The following LIPN variants were observed in gnomAD, a reference collection of about 807,000 sequenced individuals.
The protein encoded by LIPN is lipase member N.
In LIPN, 32 loss-of-function variants were observed where a neutral mutation model predicts 43.7. The ratio of observed to expected loss-of-function variants is 0.73; its 90% CI spans 0.55 to 0.98. LIPN has a LOEUF of 0.98. LIPN is among the 50% of genes least tolerant of loss of function. The pLI is 0.00. For missense variants in LIPN, 505 were observed against 483.8 expected (o/e 1.04, Z -0.41); for synonymous variants, 156 against 157.6 (o/e 0.99, Z 0.08).
intron 9 of LIPN, 52 bp from the exon 10 acceptor site, chr10:88,777,957 T>A: frequency 1.8e-6 from 2 of 1,119,710 alleles, no homozygotes; most frequent in South Asian, 2.7e-5. Context: ...CCTTTGTAGT[T>A]ATTGCTTTGA....
Position 88,778,946 on chromosome 10 carries a change from C to T in LIPN, c.*704C>T, listed in dbSNP as rs1843342056. Among the ~76,000 whole-genome samples, 1 of 152,058 alleles carries T rather than the reference C, an allele frequency of 6.6e-6. No homozygotes were observed. Among genetic ancestry groups the T allele is most frequent in the Non-Finnish European group, 1.5e-5 (1 of 68,006 alleles). On this transcript the variant is annotated 3_prime_UTR_variant, in exon 10 of 10. Transcript: ENST00000404459. Reference sequence around the variant, plus strand: ...GGCTTCTTTGTTTAGCATGTAATGCCCCCTTTACAGGCTTTTTGTTCTTTG... The same window carrying T: ...GGCTTCTTTGTTTAGCATGTAATGCTCCCTTTACAGGCTTTTTGTTCTTTG...
At chr10:88,762,780 A>G (rs938477323) in intron 3 of LIPN, among the ~76,000 whole-genome samples, 2 of 152,086 alleles carry the variant, frequency 1.3e-5, no homozygotes, top group Non-Finnish European at 2.9e-5. Flanking sequence ...CATTTCTGAA[A>G]AGTTTTCCAG....
intron 3 of LIPN, 100 bp downstream of exon 3, chr10:88,762,405 G>T (rs1843017739): frequency 1.3e-6 from 1 of 750,904 alleles, no homozygotes; most frequent in Admixed American, 2.2e-5. Flanking sequence ...TATCAAAATT[G>T]GTTTGAATTA....
At position 88,763,574 on chromosome 10, in the gene LIPN, G is replaced by T. The variant is rs746354885; in HGVS notation, c.227-836G>T. ...AAATGATGAAATTAAGGCACAACCG[G>T]TTATGTTAAGAGGCCTAAAGTCCAC... On this transcript the variant is annotated intron_variant, in intron 3 of 9. Transcript: ENST00000404459. Among the ~76,000 whole-genome samples the T allele has an allele frequency of 6.6e-5, 10 of 152,152 alleles. No individual in the cohort carries two copies. The Middle Eastern group carries it at 0.01, about 155-fold the overall frequency.
In LIPN at chr10:88,768,861, C is replaced by T. The variant is rs759378843; in HGVS notation, c.605C>T (p.Thr202Met). 52 of 1,611,106 alleles carry T rather than the reference C, an allele frequency of 3.2e-5. 1 individual carries two copies. In the South Asian group the frequency reaches 3.8e-4, roughly 12 times the overall value. ...AAAATGAATTTTGCCTTGGGTCCTA[C>T]GATCTCATTCAAATATCCCACGGGC... ...RIKMNFALGP[T>M]ISFKYPTGIF... The change falls in exon 6 of 10, where the codon ACG becomes ATG. Residue 202 changes from threonine to methionine, a missense_variant. Transcript: ENST00000404459.
At position 88,770,940 on chromosome 10, in the gene LIPN, T is replaced by A. The variant is rs1189087158; in HGVS notation, c.768T>A (p.Cys256Ter). Residue 256 changes from cysteine (C) to a stop codon, truncating the protein, a stop_gained, in exon 7 of 10, where the codon TGT becomes TGA. Transcript: ENST00000404459. LOFTEE classifies it high-confidence loss of function. ...ICNNKILWLI[C>*]SEFMSLWAGS... ...ACAATAAGATACTCTGGTTGATATG[T>A]AGCGAATTTATGTCCTTATGGGCTG... The A allele has an allele frequency of 5.1e-6, 8 of 1,565,348 alleles. No homozygotes were observed. The highest frequency in any genetic ancestry group is 2.7e-5 in the African/African-American group (2 of 73,758).
chr10:88,770,448 C>T (rs1843185535), intron 6 of LIPN, among the ~76,000 whole-genome samples: 1 of 127,006 alleles, frequency 7.9e-6, no homozygotes, highest in African/African-American at 3.0e-5. Flanking sequence ...TATTGGCAAG[C>T]ACTGACTGGG....
At chr10:88,757,634 T>C (rs1042865915), upstream of LIPN, among the ~76,000 whole-genome samples, 2 of 152,172 alleles carry the variant, frequency 1.3e-5, no homozygotes, top group Non-Finnish European at 2.9e-5. Flanking sequence ...TCATTTTCAC[T>C]AACACTAAAA....
intron 3 of LIPN, among the ~76,000 whole-genome samples, chr10:88,763,657 GCT>G (rs1419061777): frequency 2.6e-5 from 4 of 152,032 alleles, no homozygotes; most frequent in Non-Finnish European, 4.4e-5. Context: ...CAGAGCCTGT[GCT>G]CTTAGTCATT....
At chr10:88,757,820 G>T (rs1794470163), upstream of LIPN, among the ~76,000 whole-genome samples, 1 of 151,994 alleles carries the variant, frequency 6.6e-6, no homozygotes, top group Non-Finnish European at 1.5e-5. Flanking sequence ...TAGACTTATG[G>T]ACACTTATGG....
Position 88,760,043 on chromosome 10 carries a change from C to A in LIPN, c.-72C>A, listed in dbSNP as rs1175577306. 6.6e-6 allele frequency among the ~76,000 whole-genome samples: 1 copy of A among 152,066 alleles called. No homozygotes were observed. Among genetic ancestry groups the A allele is most frequent in the Non-Finnish European group, 1.5e-5 (1 of 67,998 alleles). ...TTACTCTTCAGCCTGATGTCAAAAG[C>A]AAAAGTTCAGAAGTTCCTCATCAAT... On this transcript the variant is annotated 5_prime_UTR_variant, in exon 1 of 10. Coordinates refer to ENST00000404459, the MANE Select transcript of LIPN (RefSeq NM_001102469.2).
rs1307537556 is a variant in LIPN at position 88,770,894 on chromosome 10, T to G, written c.722T>G (p.Ile241Arg). The G allele has an allele frequency of 1.3e-6, 2 of 1,543,882 alleles. No homozygotes were observed. The highest frequency in any genetic ancestry group is 2.0e-5 in the Admixed American group (1 of 50,878). The part of the protein sequence containing the change: ...GFFLEDKKTK[I>R]ASTKICNNKI... ...TTTTTAGAAGATAAGAAAACGAAGA[T>G]AGCTTCTACCAAAATCTGCAACAAT... The change falls in exon 7 of 10, where the codon ATA becomes AGA. Residue 241 changes from isoleucine to arginine, a missense_variant. Transcript: ENST00000404459.
At chr10:88,762,777 G>A (rs1363250673) in intron 3 of LIPN, among the ~76,000 whole-genome samples, 2 of 152,060 alleles carry the variant, frequency 1.3e-5, no homozygotes, top group Non-Finnish European at 2.9e-5. Context: ...ACGCATTTCT[G>A]AAAAGTTTTC....
At chr10:88,775,242 T>C (rs1843277824) in intron 9 of LIPN, 79 bp downstream of exon 9, 1 of 968,578 alleles carries the variant, frequency 1.0e-6, no homozygotes, top group Non-Finnish European at 1.5e-6. Context: ...GAAAGACTCC[T>C]ACCTGTCATT....
intron 6 of LIPN, 24 bp downstream of exon 6, chr10:88,768,952 AC>A (rs1301381399): frequency 6.9e-6 from 11 of 1,601,600 alleles, no homozygotes; most frequent in Non-Finnish European, 6.8e-6. Context: ...AACAAAATGT[AC>A]CTGAGGATCT....
intron 3 of LIPN, 28 bp downstream of exon 3, chr10:88,762,333 G>T (rs1564578936): frequency 1.5e-6 from 2 of 1,353,900 alleles, no homozygotes; most frequent in Admixed American, 1.9e-5. Context: ...CCTGAAAAGG[G>T]GACTGCATTG....
Position 88,777,893 on chromosome 10 carries a change from A to G in LIPN, c.964-116A>G, listed in dbSNP as rs556404958. On this transcript the variant is annotated intron_variant, in intron 9 of 9. Transcript: ENST00000404459. ...GTAGAGACCATTGTATGTTTTCTTC[A>G]TATGTTGCTGGTGCCTAACAGAACT... 5 of 614,514 alleles carry G rather than the reference A, an allele frequency of 8.1e-6. No homozygotes were observed. The East Asian group carries it at 8.2e-5, about 10-fold the overall frequency. 38.1% of individuals were successfully genotyped at this position (614,514 alleles called of 1,614,324 possible).
chr10:88,775,182 C>T lies in LIPN; in HGVS notation c.963+19C>T, dbSNP rs749179113. 1.0e-5 allele frequency: 15 copies of T among 1,468,568 alleles called. No homozygotes were observed. The highest frequency in any genetic ancestry group is 1.4e-5 in the African/African-American group (1 of 70,870). The allele number at this position is 1,468,568 out of a possible 1,614,324, so 91.0% of individuals were successfully genotyped here. On this transcript the variant is annotated intron_variant, in intron 9 of 9. Transcript: ENST00000404459. Reference sequence around the variant, plus strand: ...CAATCAGGTGAGCTATTTACAGTAACCCCAGCATGCTGATTTTGATAAATT... The same window carrying T: ...CAATCAGGTGAGCTATTTACAGTAATCCCAGCATGCTGATTTTGATAAATT...
chr10:88,778,136 A>G lies in LIPN; in HGVS notation c.1091A>G (p.Tyr364Cys). Residue 364 changes from tyrosine (Y) to cysteine (C), a missense_variant, in exon 10 of 10, where the codon TAC (tyrosine) becomes TGC (cysteine). Transcript: ENST00000404459. ...CTCCCTCAAATCAAGAGTCTTCATTACTTTAAGCTATTGCCAGATTGGAAC... is the reference window on the plus strand; with the variant it reads ...CTCCCTCAAATCAAGAGTCTTCATTGCTTTAAGCTATTGCCAGATTGGAAC... ...RILPQIKSLH[Y>C]FKLLPDWNHF... 1 of 1,613,596 alleles carries G rather than the reference A, an allele frequency of 6.2e-7. No individual in the cohort carries two copies. Among genetic ancestry groups the G allele is most frequent in the Non-Finnish European group, 8.5e-7 (1 of 1,179,732 alleles).
Sources: gnomAD v4.1 joint callset for allele counts (sites outside exome capture counted in the v4.1 genomes callset) on GRCh38, gnomAD v4.1.1 for gene constraint, MANE v1.5 for transcripts, NCBI Gene and HGNC (gene_info 2026-07-23, HGNC 2026-07-21) for gene names.